Variants in ATP11A observed in about 807,000 individuals in gnomAD.
ATP11A encodes the protein ATPase phospholipid transporting 11A, also known as phospholipid-transporting ATPase IH.
Under a neutral mutation model 154.4 loss-of-function variants are expected in ATP11A, and 81 were observed. The ratio of observed to expected loss-of-function variants is 0.52; its 90% confidence interval spans 0.44 to 0.63. ATP11A has a LOEUF of 0.63. ATP11A is among the 30% of genes least tolerant of loss of function. ATP11A has a pLI of 0.00. For synonymous variants in ATP11A, 623 were observed against 585.9 expected, an observed-to-expected ratio of 1.06 and a Z score of -0.91; for missense variants, 1,316 against 1,474.3, an observed-to-expected ratio of 0.89 and a Z score of 1.76.
At chr13:112,850,875 A>ATCTT (rs1389497043) in intron 17 of ATP11A, among the ~76,000 whole-genome samples, 162 bp from the exon 18 acceptor site, 1 of 152,312 alleles carries the variant, frequency 6.6e-6, no homozygotes, top group Admixed American at 6.5e-5. Context: ...TTGGATTATA[A>ATCTT]TCTTTCTTTC....
intron 1 of ATP11A, among the ~76,000 whole-genome samples, chr13:112,749,399 T>G (rs1350962206): frequency 1.3e-5 from 2 of 152,264 alleles, no homozygotes; most frequent in East Asian, 3.8e-4. Flanking sequence ...TGAATGACTT[T>G]CCTGAATTAA....
chr13:112,690,327 G>C lies in ATP11A; in HGVS notation c.-90G>C, dbSNP rs1343549165. 1.9e-6 allele frequency: 2 copies of C among 1,034,820 alleles called. No homozygotes were observed. The allele number at this position is 1,034,820 out of a possible 1,614,324, so 64.1% of individuals were successfully genotyped here. ...GCCGAGGCCGTGACCGGAGCGGGGG[G>C]CGCGGCCGCACTAGTACCCCGGAGC... On this transcript the variant is annotated 5_prime_UTR_variant, in exon 1 of 30. Transcript: ENST00000375645. The surrounding 1 kb of genome is among the most constrained non-coding windows in gnomAD (Gnocchi z 5.6).
intron 2 of ATP11A, among the ~76,000 whole-genome samples, chr13:112,797,668 T>G: frequency 6.6e-6 from 1 of 152,224 alleles, no homozygotes; most frequent in African/African-American, 2.4e-5. Flanking sequence ...GAATTCTGTA[T>G]CTCATAAAAT....
chr13:112,811,848 C>G (rs946288429), intron 5 of ATP11A: 2 of 152,174 alleles, frequency 1.3e-5, no homozygotes, highest in African/African-American at 4.8e-5. Context: ...CCTTGTGATC[C>G]GCCTGCCTTG....
At chr13:112,770,267 C>T (rs1170247690) in intron 1 of ATP11A, among the ~76,000 whole-genome samples, 3 of 152,148 alleles carry the variant, frequency 2.0e-5, no homozygotes, top group African/African-American at 7.2e-5. Context: ...TTTCCCAGGT[C>T]GACTGTGTTT....
At chr13:112,836,751 C>G (rs996245050) in intron 16 of ATP11A, among the ~76,000 whole-genome samples, 4 of 152,244 alleles carry the variant, frequency 2.6e-5, no homozygotes, top group Non-Finnish European at 5.9e-5. Flanking sequence ...ACACTCGGTT[C>G]GTGCTCCGGA....
intron 1 of ATP11A, among the ~76,000 whole-genome samples, chr13:112,752,646 A>G (rs752722906): frequency 1.3e-5 from 2 of 152,258 alleles, no homozygotes; most frequent in Non-Finnish European, 2.9e-5. Flanking sequence ...TTCTGACCAT[A>G]CAAACTTAAT....
chr13:112,827,049 A>G (rs973045978), intron 12 of ATP11A, among the ~76,000 whole-genome samples, 158 bp downstream of exon 12: 4 of 152,216 alleles, frequency 2.6e-5, no homozygotes, highest in African/African-American at 9.6e-5. Flanking sequence ...TGAAACAGTC[A>G]GCCGTGCTGT....
At position 112,882,752 on chromosome 13, in the gene ATP11A, C is replaced by A. The variant is rs982863619; in HGVS notation, c.*886C>A. On this transcript the variant is annotated 3_prime_UTR_variant, in exon 30 of 30. Coordinates refer to ENST00000375645, the MANE Select transcript of ATP11A (RefSeq NM_015205.3). The surrounding 1 kb of genome is among the most constrained non-coding windows in gnomAD (Gnocchi z 5.1). ...TCAGCCACTCGCCAGGGCACGGAGC[C>A]GTCAGTCCACTGTTACGGGAGAATG... 5.0e-6 allele frequency: 2 copies of A among 399,830 alleles called. No individual in the cohort carries two copies. The highest frequency in any genetic ancestry group is 2.5e-4 in the South Asian group (2 of 7,906). 24.8% of individuals were successfully genotyped at this position (399,830 alleles called of 1,614,324 possible). A position where few individuals can be genotyped will look rare whatever the true frequency, so the allele number is the denominator to read the frequency against.
chr13:112,829,903 A>G (rs1271276454), intron 12 of ATP11A, among the ~76,000 whole-genome samples: 1 of 152,260 alleles, frequency 6.6e-6, no homozygotes. Context: ...ACAAGAAACT[A>G]TTTGAAAAAG....
Position 112,858,175 on chromosome 13 carries a change from C to T in ATP11A, c.2552C>T (p.Ala851Val). 6.2e-7 allele frequency: 1 copy of T among 1,613,752 alleles called. No homozygotes were observed. The highest frequency in any genetic ancestry group is 8.5e-7 in the Non-Finnish European group (1 of 1,179,898). ...ATCGGCAAGGAAGGCCGCCAGGCTG[C>T]CAGGAACAGCGACTATGCAATCCCA... The part of the protein sequence containing the change: ...GVIGKEGRQA[A>V]RNSDYAIPKF... Residue 851 changes from alanine to valine, a missense_variant, in exon 22 of 30, where the codon GCC becomes GTC. Physicochemically the swap from Ala to Val is moderately conservative, Grantham distance 64. Around this residue, in one of 5 missense-constraint regions of ATP11A, gnomAD observed 876 missense variants for 1,006.8 expected, o/e 0.87. Coordinates refer to ENST00000375645, the MANE Select transcript of ATP11A (RefSeq NM_015205.3).
At chr13:112,857,600 A>G (rs1236610627) in intron 20 of ATP11A, among the ~76,000 whole-genome samples, 1 of 152,200 alleles carries the variant, frequency 6.6e-6, no homozygotes, top group African/African-American at 2.4e-5. Flanking sequence ...TTTTAATCAT[A>G]CCTCATTTCT....
At chr13:112,858,638 G>A (rs949022256) in intron 22 of ATP11A, 23 of 206,592 alleles carry the variant, frequency 1.1e-4, no homozygotes, top group South Asian at 2.7e-4. Context: ...CCCTTTGTCC[G>A]GTGTGCCGAT....
chr13:112,883,318 A>G lies in ATP11A; in HGVS notation c.*1452A>G, dbSNP rs138284157. 3,441 of 398,010 alleles carry G rather than the reference A, an allele frequency of 8.6e-3. 105 individuals carry two copies. The highest frequency in any genetic ancestry group is 0.062 in the African/African-American group (3,029 of 48,718). The allele number at this position is 398,010 out of a possible 1,614,324, so 24.7% of individuals were successfully genotyped here. ...TCTATTTCTAGAAATAATATTTGAC[A>G]TAGCCTTAATGGTCCTTAAAGAAGA... is the stretch of plus-strand genomic sequence containing the variant. On this transcript the variant is annotated 3_prime_UTR_variant, in exon 30 of 30. Coordinates refer to ENST00000375645, the MANE Select transcript of ATP11A (RefSeq NM_015205.3).
At chr13:112,713,982 T>TCTCCCCACC (rs2139583198) in intron 1 of ATP11A, among the ~76,000 whole-genome samples, 7 of 46,324 alleles carry the variant, frequency 1.5e-4, no homozygotes, top group Middle Eastern at 0.011. Flanking sequence ...CAGCTTCCAT[T>TCTCCCCACC]CCTGGCCCCA....
intron 21 of ATP11A, 44 bp from the exon 22 acceptor site, chr13:112,858,101 T>A (rs1226287313): frequency 6.2e-7 from 1 of 1,602,634 alleles, no homozygotes; most frequent in South Asian, 1.1e-5. Context: ...CTGTGTGTGG[T>A]GTGCAGAAAG....
Position 112,875,648 on chromosome 13 carries a change from G to C in ATP11A, c.3162-128G>C. On this transcript the variant is annotated intron_variant, in intron 27 of 29. Transcript: ENST00000375645. This position sits in a 1 kb window ranked among gnomAD's most constrained non-coding sequence, Gnocchi z 4.1. Reference sequence around the variant, plus strand: ...ATATGATAAATTCAGAGCAGGCTCCGTGGCTTGCCAAGCAACTCTCACTGA... The same window carrying C: ...ATATGATAAATTCAGAGCAGGCTCCCTGGCTTGCCAAGCAACTCTCACTGA... The C allele has an allele frequency of 9.8e-7, 1 of 1,021,820 alleles. No homozygotes were observed. The highest frequency in any genetic ancestry group is 1.7e-5 in the South Asian group (1 of 57,448). 63.3% of individuals were successfully genotyped at this position (1,021,820 alleles called of 1,614,324 possible).
At chr13:112,824,016 T>C (rs541223783) in intron 9 of ATP11A, among the ~76,000 whole-genome samples, 1 of 152,362 alleles carries the variant, frequency 6.6e-6, no homozygotes, top group African/African-American at 2.4e-5. Flanking sequence ...CATTGTATTG[T>C]TATTTTTATT....
intron 1 of ATP11A, among the ~76,000 whole-genome samples, chr13:112,762,624 A>G (rs954773028): frequency 2.0e-5 from 3 of 152,216 alleles, no homozygotes; most frequent in Non-Finnish European, 4.4e-5. Context: ...GGAAATGTGC[A>G]GAAGTGGTTC....
Sources: allele counts gnomAD v4.1 joint callset (sites outside exome capture counted in the v4.1 genomes callset), GRCh38; gene constraint gnomAD v4.1.1; regional missense constraint gnomAD v4.1.1; non-coding constraint Gnocchi (gnomAD v3.1); transcripts MANE v1.5; gene names NCBI Gene and HGNC (gene_info 2026-07-23, HGNC 2026-07-21).